The following RFX3 variants were observed in gnomAD, a reference collection of about 807,000 sequenced individuals.
The protein encoded by RFX3 is transcription factor RFX3.
Under a neutral mutation model 98.6 loss-of-function variants are expected in RFX3, and 14 were observed. That is an observed-to-expected ratio of 0.14 (90% confidence interval 0.09 to 0.22). The LOEUF (loss-of-function observed/expected upper bound fraction) is 0.22, where lower values mean the gene tolerates loss of function less well. RFX3 is among the 10% of genes least tolerant of loss of function. RFX3 has a pLI of 1.00. For missense variants in RFX3, 639 were observed against 926.9 expected (o/e 0.69, Z 4.03); for synonymous variants, 383 against 328.4 (o/e 1.17, Z -1.80).
At chr9:3,231,819 T>A (rs549660485) in intron 15 of RFX3, among the ~76,000 whole-genome samples, 8 of 152,102 alleles carry the variant, frequency 5.3e-5, no homozygotes, top group African/African-American at 1.7e-4. Flanking sequence ...ATCCCAGCAC[T>A]TTGGGAGGCT....
At chr9:3,383,343 T>C (rs1839390782) in intron 2 of RFX3, among the ~76,000 whole-genome samples, 1 of 152,182 alleles carries the variant, frequency 6.6e-6, no homozygotes, top group Non-Finnish European at 1.5e-5. Flanking sequence ...TGATAATGCA[T>C]AGTGATTGGT....
intron 1 of RFX3, among the ~76,000 whole-genome samples, chr9:3,406,761 TTG>T (rs1004717926): frequency 2.5e-4 from 38 of 152,236 alleles, no homozygotes; most frequent in African/African-American, 7.0e-4. Context: ...AATCAAATTA[TTG>T]TGTTTTTTCT....
chr9:3,429,894 G>A (rs1241602825), intron 1 of RFX3, among the ~76,000 whole-genome samples: 2 of 152,196 alleles, frequency 1.3e-5, no homozygotes, highest in Non-Finnish European at 2.9e-5. Flanking sequence ...ACAGGTTTCT[G>A]TCTAAGCAGT....
intron 1 of RFX3, among the ~76,000 whole-genome samples, chr9:3,402,253 T>A (rs1159603709): frequency 6.6e-6 from 1 of 152,212 alleles, no homozygotes. Flanking sequence ...CTGCAAAGTT[T>A]GGTTCCACTA....
At chr9:3,307,955 C>G (rs888308198) in intron 4 of RFX3, among the ~76,000 whole-genome samples, 2 of 152,038 alleles carry the variant, frequency 1.3e-5, no homozygotes, top group African/African-American at 4.8e-5. Flanking sequence ...TGGTACAGAA[C>G]CAATTTTCTT....
chr9:3,393,347 C>T (rs1001480098), intron 2 of RFX3, among the ~76,000 whole-genome samples: 1 of 151,818 alleles, frequency 6.6e-6, no homozygotes, highest in African/African-American at 2.4e-5. Context: ...CTATTAAGAC[C>T]TGGTGTAAAT....
At chr9:3,294,822 G>T (rs1457288062) in intron 5 of RFX3, among the ~76,000 whole-genome samples, 2 of 152,110 alleles carry the variant, frequency 1.3e-5, no homozygotes, top group Non-Finnish European at 2.9e-5. Context: ...TTCAGATTTT[G>T]ATCAGAAAGA....
chr9:3,464,697 C>T (rs1177105660), intron 1 of RFX3, among the ~76,000 whole-genome samples: 1 of 152,044 alleles, frequency 6.6e-6, no homozygotes, highest in Non-Finnish European at 1.5e-5. Flanking sequence ...TGGTGGAACA[C>T]AATTGTATAC....
At chr9:3,259,097 T>C (rs1366202593) in intron 13 of RFX3, among the ~76,000 whole-genome samples, 1 of 152,020 alleles carries the variant, frequency 6.6e-6, no homozygotes, top group Non-Finnish European at 1.5e-5. Flanking sequence ...CAATCCCACA[T>C]AGTTAGACAT....
intron 2 of RFX3, among the ~76,000 whole-genome samples, chr9:3,379,592 G>A (rs1838947279): frequency 6.6e-6 from 1 of 152,124 alleles, no homozygotes. Flanking sequence ...CAGTTATAAT[G>A]TGGTTATTCA....
chr9:3,464,427 T>G (rs976064439), intron 1 of RFX3, among the ~76,000 whole-genome samples: 2 of 152,182 alleles, frequency 1.3e-5, no homozygotes, highest in Non-Finnish European at 1.5e-5. Context: ...AATTGCGGTA[T>G]AGCCACACAG....
At position 3,292,959 on chromosome 9, in the gene RFX3, A is replaced by G. The variant is rs1228176234; in HGVS notation, c.731+118T>C. The G allele has an allele frequency of 1.2e-5, 9 of 746,280 alleles. No individual in the cohort carries two copies. In the African/African-American group the frequency reaches 1.4e-4, roughly 12 times the overall value. The allele number at this position is 746,280 out of a possible 1,614,324, so 46.2% of individuals were successfully genotyped here. On this transcript the variant is annotated intron_variant, in intron 6 of 16. Coordinates refer to ENST00000617270, the MANE Select transcript of RFX3 (RefSeq NM_001282116.2). ...CCTGGGGATGTTATAAACTGAGCTCATTCTATGTATTTCCTTATATATTGT... is the reference window on the plus strand; with the variant it reads ...CCTGGGGATGTTATAAACTGAGCTCGTTCTATGTATTTCCTTATATATTGT...
At chr9:3,425,392 CT>C (rs778218342) in intron 1 of RFX3, among the ~76,000 whole-genome samples, 2 of 152,198 alleles carry the variant, frequency 1.3e-5, no homozygotes, top group Admixed American at 6.5e-5. Context: ...TCCAATGAGC[CT>C]GCATTACTTT....
At chr9:3,480,757 AG>A (rs760001299) in intron 1 of RFX3, among the ~76,000 whole-genome samples, 11 of 152,184 alleles carry the variant, frequency 7.2e-5, no homozygotes, top group Admixed American at 2.0e-4. Flanking sequence ...AATCTCTCTA[AG>A]CTTCAGCTGC....
intron 4 of RFX3, among the ~76,000 whole-genome samples, chr9:3,327,915 C>T (rs1446855437): frequency 6.6e-6 from 1 of 151,972 alleles, no homozygotes; most frequent in Non-Finnish European, 1.5e-5. Flanking sequence ...GAAGAATCCT[C>T]AAACTATAAA....
intron 2 of RFX3, among the ~76,000 whole-genome samples, chr9:3,383,298 T>C (rs1485482750): frequency 6.6e-6 from 1 of 152,184 alleles, no homozygotes; most frequent in Non-Finnish European, 1.5e-5. Context: ...CTGGGTGCTC[T>C]TCTTTGCTTT....
chr9:3,467,086 A>T (rs1848314349), intron 1 of RFX3, among the ~76,000 whole-genome samples: 1 of 117,306 alleles, frequency 8.5e-6, no homozygotes, highest in Non-Finnish European at 1.6e-5. Context: ...ATGTATATAC[A>T]TACATATATG....
Position 3,257,057 on chromosome 9 carries a change from G to A in RFX3, c.1748C>T (p.Pro583Leu). 1 of 1,613,922 alleles carries A rather than the reference G, an allele frequency of 6.2e-7. No homozygotes were observed. The highest frequency in any genetic ancestry group is 8.5e-7 in the Non-Finnish European group (1 of 1,179,970). Residue 583 changes from proline (P) to leucine (L), a missense_variant, in exon 14 of 17, where the codon CCC (proline) becomes CTC (leucine). Transcript: ENST00000617270. ...LDNVMMQALKPYEGRPSFPKA... is the reference protein window; with the variant it reads ...LDNVMMQALKLYEGRPSFPKA... ...AGGAAAACTGGGTCTTCCTTCATAG[G>A]GTTTCAGTGCTTGCATCATCACATT...
In RFX3 at chr9:3,467,289, T is replaced by C. The variant is rs368428743; in HGVS notation, c.-9+58458A>G. Among the ~76,000 whole-genome samples, 111 of 146,388 alleles carry C rather than the reference T, an allele frequency of 7.6e-4. 1 individual carries two copies. The South Asian group carries it at 0.022, about 29-fold the overall frequency. ...GTACATACATACATATATATACATA[T>C]ATATACACACACACAAATATATATA... is the stretch of plus-strand genomic sequence containing the variant. On this transcript the variant is annotated intron_variant, in intron 1 of 16. Coordinates refer to ENST00000617270, the MANE Select transcript of RFX3 (RefSeq NM_001282116.2).
Sources: gnomAD v4.1 joint callset for allele counts (sites outside exome capture counted in the v4.1 genomes callset) on GRCh38, gnomAD v4.1.1 for gene constraint, MANE v1.5 for transcripts, NCBI Gene and HGNC (gene_info 2026-07-23, HGNC 2026-07-21) for gene names.